SCARB2: variants seen among roughly 807,000 people sequenced by gnomAD.
The protein encoded by SCARB2 is scavenger receptor class B member 2, also known as lysosome membrane protein 2.
SCARB2 carries 29 observed loss-of-function variants against 58.6 expected under a neutral mutation model. The ratio of observed to expected loss-of-function variants is 0.49; its 90% CI spans 0.37 to 0.67. The LOEUF (loss-of-function observed/expected upper bound fraction) is 0.67. Among genes scored for constraint, SCARB2 ranks in the 30% least tolerant of loss-of-function variants. The pLI, the probability that SCARB2 is intolerant of heterozygous loss-of-function variation, is 0.00. For missense variants in SCARB2, 488 were observed against 578.5 expected (o/e 0.84, Z 1.60); for synonymous variants, 195 against 210.1 (o/e 0.93, Z 0.62).
chr4:76,179,753 C>T, intron 3 of SCARB2, 48 bp from the exon 4 acceptor site: 1 of 1,374,386 alleles, frequency 7.3e-7, no homozygotes, highest in East Asian at 2.3e-5. Context: ...TCCAAAGCAC[C>T]TCCATCCACT....
chr4:76,180,886 A>G, intron 3 of SCARB2, 68 bp downstream of exon 3: 1 of 1,371,542 alleles, frequency 7.3e-7, no homozygotes, highest in Non-Finnish European at 1.0e-6. Flanking sequence ...TAAAATCATA[A>G]AGAGCATTAA....
chr4:76,170,966 AT>A (rs1732117578), intron 7 of SCARB2, among the ~76,000 whole-genome samples: 3 of 136,206 alleles, frequency 2.2e-5, no homozygotes, highest in South Asian at 2.3e-4. Flanking sequence ...ATATATATAT[AT>A]ATATAACCAA....
intron 1 of SCARB2, among the ~76,000 whole-genome samples, chr4:76,219,444 T>C (rs569981452): frequency 6.6e-6 from 1 of 152,268 alleles, no homozygotes; most frequent in Admixed American, 6.5e-5. Flanking sequence ...TTAAACTCAC[T>C]GTGGCAAAGC....
intron 1 of SCARB2, among the ~76,000 whole-genome samples, chr4:76,223,365 C>CCCA (rs1405950322): frequency 6.6e-6 from 1 of 152,082 alleles, no homozygotes; most frequent in Non-Finnish European, 1.5e-5. Context: ...GGTACAGTAG[C>CCCA]CCACCCCTTA....
chr4:76,169,962 G>C lies in SCARB2; in HGVS notation c.1018C>G (p.Pro340Ala), dbSNP rs755676808. The change falls in exon 8 of 12, where the codon CCA becomes GCA. Residue 340 changes from proline (P) to alanine (A), a missense_variant. Coordinates refer to ENST00000264896, the MANE Select transcript of SCARB2 (RefSeq NM_005506.4). ...CTCTCATCTGCTTGGTAAAAGTGTG[G>C]GAAAGACATAATGATGGGTGCACCT... ...KNGAPIIMSF[P>A]HFYQADERFV... The C allele has an allele frequency of 6.2e-7, 1 of 1,613,726 alleles. No homozygotes were observed. Among genetic ancestry groups the C allele is most frequent in the Non-Finnish European group, 8.5e-7 (1 of 1,179,872 alleles).
At chr4:76,224,188 T>A (rs892346537) in intron 1 of SCARB2, among the ~76,000 whole-genome samples, 2 of 152,230 alleles carry the variant, frequency 1.3e-5, no homozygotes, top group African/African-American at 4.8e-5. Flanking sequence ...ATTACATACA[T>A]GTTTTCAGGT....
At chr4:76,218,195 G>A (rs576456615), upstream of SCARB2, among the ~76,000 whole-genome samples, 7 of 152,230 alleles carry the variant, frequency 4.6e-5, no homozygotes, top group East Asian at 3.9e-4. Context: ...TAAAAGTCTT[G>A]GCTTTCTTCT....
chr4:76,167,681 C>G (rs1470609159), intron 9 of SCARB2, among the ~76,000 whole-genome samples: 1 of 121,086 alleles, frequency 8.3e-6, no homozygotes, highest in African/African-American at 3.8e-5. Context: ...CTCCCCCCCC[C>G]CGCTTTTTTT....
chr4:76,174,922 C>A (rs760306380), intron 6 of SCARB2: 7 of 158,034 alleles, frequency 4.4e-5, no homozygotes, highest in Non-Finnish European at 7.0e-5. Context: ...GTAATATGAC[C>A]ACTGCTTACA....
rs1560724005 is a variant in SCARB2 at position 76,213,786 on chromosome 4, G to A, written c.-243C>T. The A allele has an allele frequency of 5.0e-6, 2 of 397,292 alleles. No individual in the cohort carries two copies. Among genetic ancestry groups the A allele is most frequent in the Non-Finnish European group, 9.0e-6 (2 of 223,338 alleles). The allele number at this position is 397,292 out of a possible 1,614,324, so 24.6% of individuals were successfully genotyped here. On this transcript the variant is annotated 5_prime_UTR_variant, in exon 1 of 12. Coordinates refer to ENST00000264896, the MANE Select transcript of SCARB2 (RefSeq NM_005506.4). ...GGACTCGGTTTCGGTTTCCTTCGCC[G>A]GGCAGCCGTGGCGCCCGCCTAGCGC...
chr4:76,180,971 A>G lies in SCARB2; in HGVS notation c.406T>C (p.Leu136=), dbSNP rs754239020. ...GDPKIDLIRT[L]NIPVLTVIEW... is the part of the protein sequence containing the mutation. The stretch of plus-strand genomic sequence containing the variant: ...CTACTTACCAATACAGGAATATTTA[A>G]TGTTCTAATTAAGTCAATTTTAGGG... The change falls in exon 3 of 12, where the codon TTA becomes CTA. Residue 136 remains leucine (L), a synonymous_variant. Coordinates refer to ENST00000264896, the MANE Select transcript of SCARB2 (RefSeq NM_005506.4). 6 of 1,612,344 alleles carry G rather than the reference A, an allele frequency of 3.7e-6. No individual in the cohort carries two copies. The East Asian group carries it at 8.9e-5, about 24-fold the overall frequency.
chr4:76,167,923 A>T (rs189924197), intron 9 of SCARB2, among the ~76,000 whole-genome samples: 1 of 151,876 alleles, frequency 6.6e-6, no homozygotes, highest in Admixed American at 6.6e-5. Context: ...CTTGTGATCC[A>T]CCCACCTTGG....
At chr4:76,182,798 G>T (rs1165985526) in intron 2 of SCARB2, among the ~76,000 whole-genome samples, 1 of 152,234 alleles carries the variant, frequency 6.6e-6, no homozygotes, top group African/African-American at 2.4e-5. Flanking sequence ...ATGGAGTTAT[G>T]TCCCAGTAAA....
upstream of SCARB2, among the ~76,000 whole-genome samples, chr4:76,215,268 T>G (rs1198535825): frequency 2.0e-5 from 3 of 152,226 alleles, no homozygotes; most frequent in Non-Finnish European, 4.4e-5. Context: ...CATTTTACAC[T>G]CAAGAACACT....
intron 2 of SCARB2, among the ~76,000 whole-genome samples, chr4:76,191,200 T>C (rs747401609): frequency 2.0e-5 from 3 of 152,206 alleles, no homozygotes; most frequent in Non-Finnish European, 4.4e-5. Flanking sequence ...TCATCAGGCA[T>C]AGAACACATA....
At chr4:76,180,175 C>T (rs1418747612) in intron 3 of SCARB2, 1 of 192,724 alleles carries the variant, frequency 5.2e-6, no homozygotes, top group Non-Finnish European at 1.1e-5. Flanking sequence ...GTGGGAGAGT[C>T]GGCAGGGGTT....
intron 7 of SCARB2, among the ~76,000 whole-genome samples, chr4:76,171,376 T>A (rs780669207): frequency 1.3e-5 from 2 of 152,206 alleles, no homozygotes; most frequent in Non-Finnish European, 2.9e-5. Context: ...AACTGATGTC[T>A]GGAACCCTCC....
chr4:76,190,599 C>T (rs1249393351), intron 2 of SCARB2, among the ~76,000 whole-genome samples: 1 of 152,104 alleles, frequency 6.6e-6, no homozygotes, highest in African/African-American at 2.4e-5. Context: ...GCCTGGTCAA[C>T]ATGGTGAAAC....
chr4:76,183,754 C>T (rs1732432810), intron 2 of SCARB2, among the ~76,000 whole-genome samples: 2 of 152,208 alleles, frequency 1.3e-5, no homozygotes, highest in Admixed American at 6.5e-5. Flanking sequence ...AAAGTCCCAA[C>T]CCTCTAATCC....
Sources: gnomAD v4.1 joint callset for allele counts (sites outside exome capture counted in the v4.1 genomes callset) on GRCh38, gnomAD v4.1.1 for gene constraint, MANE v1.5 for transcripts, NCBI Gene and HGNC (gene_info 2026-07-23, HGNC 2026-07-21) for gene names.